Variants in C2CD3 observed in about 807,000 individuals in gnomAD.
The protein encoded by C2CD3 is C2 domain-containing protein 3.
C2CD3 carries 148 observed loss-of-function variants against 234.0 expected under a neutral mutation model. The observed-to-expected ratio is 0.63, with a 90% CI of 0.55 to 0.72. C2CD3 has a LOEUF of 0.72. C2CD3 is among the 30% of genes least tolerant of loss of function. C2CD3 has a pLI of 0.00. For missense variants in C2CD3, 2,577 were observed against 2,811.5 expected (o/e 0.92, Z 1.89); for synonymous variants, 1,000 against 1,035.4 (o/e 0.97, Z 0.66).
chr11:74,125,514 T>C (rs1957383463), intron 7 of C2CD3, among the ~76,000 whole-genome samples: 1 of 152,096 alleles, frequency 6.6e-6, no homozygotes, highest in Non-Finnish European at 1.5e-5. Flanking sequence ...TTCACTTTTC[T>C]GTATGATCTA....
At chr11:74,104,581 G>C (rs1956440791) in intron 13 of C2CD3, among the ~76,000 whole-genome samples, 1 of 152,024 alleles carries the variant, frequency 6.6e-6, no homozygotes, top group African/African-American at 2.4e-5. Flanking sequence ...CAATTATAAA[G>C]AAAATGTGAC....
intron 5 of C2CD3, among the ~76,000 whole-genome samples, chr11:74,138,282 A>C (rs7120370): frequency 0.012 from 1,829 of 152,322 alleles, 37 homozygotes; most frequent in African/African-American, 0.042. Flanking sequence ...CAGGATTAAG[A>C]TCAGCAGCTG....
chr11:74,151,647 G>GA (rs983798104), intron 3 of C2CD3, among the ~76,000 whole-genome samples: 3 of 151,366 alleles, frequency 2.0e-5, no homozygotes, highest in African/African-American at 7.3e-5. Flanking sequence ...ATTAAAGGGG[G>GA]AAAAAAAATA....
At chr11:74,036,539 T>C in intron 30 of C2CD3, 1 of 455,900 alleles carries the variant, frequency 2.2e-6, no homozygotes, top group South Asian at 1.5e-5. Flanking sequence ...AAGGTGTTTT[T>C]CTCTCCTGTT....
rs1195713149 is a variant in C2CD3, at chr11:74,141,840, T to TA, written c.484-2013dup. ...TGAGAACCTGTCACTACAAAAAATT[T>TA]AAAAAAAAAAATTAGCTGGGCATGG... On this transcript the variant is annotated intron_variant, in intron 3 of 32. Coordinates refer to ENST00000334126, the MANE Select transcript of C2CD3 (RefSeq NM_001286577.2). 4.0e-3 allele frequency among the ~76,000 whole-genome samples: 583 copies of TA among 147,396 alleles called. 2 individuals carry two copies. The highest frequency in any genetic ancestry group is 6.6e-3 in the Non-Finnish European group (441 of 66,392).
chr11:74,074,219 T>C (rs184615517), intron 24 of C2CD3, 34 bp downstream of exon 24: 5 of 1,457,520 alleles, frequency 3.4e-6, no homozygotes, highest in African/African-American at 2.8e-5. Context: ...CCTGAAGAGT[T>C]AGACATGCTC....
At chr11:74,105,741 C>T (rs1956493302) in intron 13 of C2CD3, among the ~76,000 whole-genome samples, 1 of 152,190 alleles carries the variant, frequency 6.6e-6, no homozygotes, top group African/African-American at 2.4e-5. Context: ...TTCTTTATTT[C>T]AATTACTCTA....
chr11:74,077,442 T>G (rs527824104), intron 23 of C2CD3, among the ~76,000 whole-genome samples: 1 of 152,174 alleles, frequency 6.6e-6, no homozygotes, highest in East Asian at 1.9e-4. Flanking sequence ...GCAGTGGAAC[T>G]TTAAAAACAA....
At position 74,033,449 on chromosome 11, in the gene C2CD3, T is replaced by A. The variant is rs371343891; in HGVS notation, c.6711A>T (p.Arg2237Ser). The change falls in exon 31 of 33, where the codon AGA becomes AGT. Residue 2237 changes from arginine (R) to serine (S), a missense_variant. Physicochemically the swap from Arg to Ser is moderately radical, Grantham distance 110. Transcript: ENST00000334126. ...KLPLNLASQS[R>S]RENHKGPPID... ...TGGGTGGTCCCTTATGGTTTTCCCT[T>A]CTGCTCTGGGAGGCTAGATTTAGCG... 1,020 of 1,536,192 alleles carry A rather than the reference T, an allele frequency of 6.6e-4. 16 individuals carry two copies. In the South Asian group the frequency reaches 0.011, roughly 17 times the overall value.
At chr11:74,130,724 C>T (rs1957643629) in intron 7 of C2CD3, among the ~76,000 whole-genome samples, 1 of 152,100 alleles carries the variant, frequency 6.6e-6, no homozygotes, top group Admixed American at 6.5e-5. Context: ...ATGCCAGTAT[C>T]ACACTGACTT....
At chr11:74,074,173 C>G in intron 24 of C2CD3, 80 bp downstream of exon 24, 2 of 949,836 alleles carry the variant, frequency 2.1e-6, no homozygotes, top group South Asian at 3.3e-5. Flanking sequence ...ACAGATCCTG[C>G]CATGATTTGA....
chr11:74,152,217 A>G (rs1005001599), intron 3 of C2CD3, among the ~76,000 whole-genome samples: 4 of 152,202 alleles, frequency 2.6e-5, no homozygotes, highest in Non-Finnish European at 5.9e-5. Flanking sequence ...GAAAGAGGAG[A>G]TATAATCACA....
In C2CD3 at chr11:74,168,404, T is replaced by C. The variant is rs141212532; in HGVS notation, c.265A>G (p.Arg89Gly). The C allele has an allele frequency of 2.2e-4, 354 of 1,613,942 alleles. 1 individual carries two copies. The highest frequency in any genetic ancestry group is 2.7e-4 in the Non-Finnish European group (314 of 1,179,880). The change falls in exon 2 of 33, where the codon AGA becomes GGA. Residue 89 changes from arginine to glycine, a missense_variant. Coordinates refer to ENST00000334126, the MANE Select transcript of C2CD3 (RefSeq NM_001286577.2). ...CGAATAGCGTAACGTGTAGTTGTTC[T>C]CACAGCTTTTGGTTCAGTCTGCAAT... ...DALQTEPKAV[R>G]TTTRYAIRCG...
intron 7 of C2CD3, among the ~76,000 whole-genome samples, chr11:74,124,570 GA>G (rs926870793): frequency 3.3e-5 from 5 of 151,898 alleles, no homozygotes; most frequent in African/African-American, 9.7e-5. Context: ...TTGGGGTGGG[GA>G]AAAATCACCC....
chr11:74,087,986 T>G (rs935029244), intron 20 of C2CD3, among the ~76,000 whole-genome samples: 8 of 152,122 alleles, frequency 5.3e-5, no homozygotes, highest in Non-Finnish European at 1.2e-4. Context: ...GCAGGTAAGA[T>G]GGAGGCTGGT....
At chr11:74,018,636 C>T (rs1951964886) in intron 32 of C2CD3, among the ~76,000 whole-genome samples, 1 of 152,212 alleles carries the variant, frequency 6.6e-6, no homozygotes. Context: ...CTTTGGCTGG[C>T]TGCCTTTCCC....
intron 9 of C2CD3, 147 bp downstream of exon 9, chr11:74,118,081 A>G (rs1408531740): frequency 1.0e-5 from 6 of 597,972 alleles, no homozygotes; most frequent in Non-Finnish European, 1.4e-5. Context: ...TCAGATTATT[A>G]CATTTTTAAG....
At chr11:74,074,750 G>A (rs1173970284) in intron 23 of C2CD3, 150 bp from the exon 24 acceptor site, 1 of 642,398 alleles carries the variant, frequency 1.6e-6, no homozygotes, top group Non-Finnish European at 2.7e-6. Context: ...TATGAAGCTG[G>A]TAGAAAACAT....
Position 74,123,034 on chromosome 11 carries a change from G to A in C2CD3, c.1319C>T (p.Pro440Leu), listed in dbSNP as rs1162430517. The A allele has an allele frequency of 6.2e-7, 1 of 1,613,162 alleles. No individual in the cohort carries two copies. The highest frequency in any genetic ancestry group is 1.3e-5 in the African/African-American group (1 of 74,888). ...CTCCAGAAGACTCTGGTCATACTGA[G>A]GGTCATTCAGCTCACTGATGCAATA... ...DVYCISELND[P>L]QYDQSLLENL... The change falls in exon 8 of 33, where the codon CCT becomes CTT. Residue 440 changes from proline (P) to leucine (L), a missense_variant. Transcript: ENST00000334126.
Sources: gnomAD v4.1 joint callset for allele counts (sites outside exome capture counted in the v4.1 genomes callset) on GRCh38, gnomAD v4.1.1 for gene constraint, MANE v1.5 for transcripts, NCBI Gene and HGNC (gene_info 2026-07-23, HGNC 2026-07-21) for gene names.